Variants in STK3 observed in about 807,000 individuals in gnomAD.
STK3 encodes the protein serine/threonine kinase 3.
Under a neutral mutation model 58.0 loss-of-function variants are expected in STK3, and 41 were observed. The ratio of observed to expected loss-of-function variants is 0.71; its 90% CI spans 0.55 to 0.92. The LOEUF is 0.92. Among genes scored for constraint, STK3 ranks in the 40% least tolerant of loss-of-function variants. The pLI, the probability that STK3 is intolerant of heterozygous loss-of-function variation, is 0.00. For synonymous variants in STK3, 170 were observed against 191.0 expected (o/e 0.89, Z 0.91); for missense variants, 479 against 602.7 (o/e 0.79, Z 2.15).
At chr8:98,763,695 C>T (rs1408030730) in intron 3 of STK3, among the ~76,000 whole-genome samples, 2 of 151,126 alleles carry the variant, frequency 1.3e-5, no homozygotes, top group African/African-American at 4.9e-5. Flanking sequence ...CTTTTTGAGA[C>T]AGAGTCTCAC....
At chr8:98,707,469 G>A (rs1327750714) in intron 4 of STK3, among the ~76,000 whole-genome samples, 158 bp from the exon 5 acceptor site, 1 of 151,914 alleles carries the variant, frequency 6.6e-6, no homozygotes, top group African/African-American at 2.4e-5. Context: ...GTGGTGTGAT[G>A]ATAGCTCACT....
chr8:98,820,895 G>A (rs550127885), intron 1 of STK3, among the ~76,000 whole-genome samples: 74 of 152,226 alleles, frequency 4.9e-4, no homozygotes, highest in African/African-American at 1.4e-3. Context: ...GGATAATGGC[G>A]TGAACCTGGG....
intron 10 of STK3, among the ~76,000 whole-genome samples, chr8:98,464,657 G>C (rs1424147023): frequency 1.3e-5 from 2 of 150,814 alleles, no homozygotes. Context: ...ATACAAAAAA[G>C]GAGCATTCTA....
intron 1 of STK3, among the ~76,000 whole-genome samples, chr8:98,382,642 G>C (rs931795633): frequency 1.3e-5 from 2 of 152,010 alleles, no homozygotes; most frequent in Non-Finnish European, 2.9e-5. Flanking sequence ...GGTCTGCCTG[G>C]TATCCCCACA....
intron 1 of STK3, among the ~76,000 whole-genome samples, chr8:98,806,981 C>T (rs1833920414): frequency 1.3e-5 from 2 of 151,810 alleles, no homozygotes; most frequent in South Asian, 4.2e-4. Flanking sequence ...AGCGAAACCC[C>T]GTCTCTACTA....
intron 1 of STK3, among the ~76,000 whole-genome samples, chr8:98,384,161 C>T (rs1196664711): frequency 1.3e-5 from 2 of 152,238 alleles, no homozygotes; most frequent in Non-Finnish European, 2.9e-5. Flanking sequence ...AAGACGTTTC[C>T]ACTTTGGCCT....
At chr8:98,574,678 C>T (rs890744035) in intron 8 of STK3, among the ~76,000 whole-genome samples, 6 of 152,076 alleles carry the variant, frequency 3.9e-5, no homozygotes, top group African/African-American at 1.2e-4. Context: ...CAGAGATGCA[C>T]GAAATGAAAA....
chr8:98,890,593 C>T (rs1021794548), intron 1 of STK3, among the ~76,000 whole-genome samples: 1 of 152,182 alleles, frequency 6.6e-6, no homozygotes, highest in Admixed American at 6.5e-5. Flanking sequence ...ACCAATCACT[C>T]CCACCAGCCA....
the STK3 span, among the ~76,000 whole-genome samples, chr8:98,364,393 A>G: frequency 6.6e-6 from 1 of 152,076 alleles, no homozygotes; most frequent in East Asian, 1.9e-4. Flanking sequence ...CCTATCTTGA[A>G]GTCCCCTGTC....
intron 10 of STK3, among the ~76,000 whole-genome samples, chr8:98,486,220 A>C (rs745866171): frequency 6.6e-6 from 1 of 152,236 alleles, no homozygotes; most frequent in Non-Finnish European, 1.5e-5. Flanking sequence ...GGGGGAAAAA[A>C]AACTGTGAGA....
intron 1 of STK3, among the ~76,000 whole-genome samples, chr8:98,797,467 T>A (rs2131608179): frequency 6.6e-6 from 1 of 152,210 alleles, no homozygotes; most frequent in East Asian, 1.9e-4. Flanking sequence ...AGAATCAAAA[T>A]CCCAGAAGCC....
intron 2 of STK3, among the ~76,000 whole-genome samples, chr8:98,376,972 T>C (rs6982131): frequency 0.58 from 88,266 of 152,092 alleles, 27,079 homozygotes; most frequent in Non-Finnish European, 0.69. Context: ...CCTTCTTTCT[T>C]TTGCCAGTCT....
chr8:98,382,604 G>C (rs140686573), intron 1 of STK3, among the ~76,000 whole-genome samples: 1 of 152,104 alleles, frequency 6.6e-6, no homozygotes, highest in Non-Finnish European at 1.5e-5. Flanking sequence ...AGACTTGAGA[G>C]ACCTGCCCGG....
At chr8:98,813,468 TC>T (rs1163057410) in intron 1 of STK3, among the ~76,000 whole-genome samples, 1 of 152,214 alleles carries the variant, frequency 6.6e-6, no homozygotes, top group Non-Finnish European at 1.5e-5. Context: ...AAATAAATGC[TC>T]TGCAATAGAC....
At chr8:98,814,417 C>A (rs1163041997) in intron 1 of STK3, among the ~76,000 whole-genome samples, 1 of 149,794 alleles carries the variant, frequency 6.7e-6, no homozygotes, top group Non-Finnish European at 1.5e-5. Flanking sequence ...AATTACAAGT[C>A]ACTGCAGCAC....
intron 6 of STK3, among the ~76,000 whole-genome samples, chr8:98,599,227 TA>T (rs1472387263): frequency 1.3e-5 from 2 of 152,210 alleles, no homozygotes; most frequent in African/African-American, 4.8e-5. Flanking sequence ...TAAACAAATA[TA>T]GCTGTTTCCT....
intron 6 of STK3, among the ~76,000 whole-genome samples, chr8:98,691,063 A>T (rs1430077816): frequency 1.3e-5 from 2 of 152,206 alleles, no homozygotes; most frequent in East Asian, 3.9e-4. Context: ...TCTAAAAGGA[A>T]GGAAGGAGTG....
At chr8:98,939,748 A>T (rs1435866794) in intron 1 of STK3, among the ~76,000 whole-genome samples, 1 of 152,384 alleles carries the variant, frequency 6.6e-6, no homozygotes, top group South Asian at 2.1e-4. Flanking sequence ...AGGTTTGCAG[A>T]CCGTGCCCTA....
At chr8:98,610,044 T>C (rs930152270) in intron 6 of STK3, among the ~76,000 whole-genome samples, 2 of 151,648 alleles carry the variant, frequency 1.3e-5, no homozygotes, top group African/African-American at 2.4e-5. Context: ...TTCAGAAGCA[T>C]GATAAAATTA....
Sources: gnomAD v4.1 joint callset for allele counts (sites outside exome capture counted in the v4.1 genomes callset) on GRCh38, gnomAD v4.1.1 for gene constraint, MANE v1.5 for transcripts, NCBI Gene and HGNC (gene_info 2026-07-23, HGNC 2026-07-21) for gene names.